Variants in ARHGAP35 observed in about 807,000 individuals in gnomAD.
ARHGAP35 encodes rho GTPase-activating protein 35.
A neutral mutation model predicts 111.1 loss-of-function variants in ARHGAP35; 15 were observed. That is an observed-to-expected ratio of 0.13 (90% CI 0.09 to 0.21). The LOEUF is 0.21. ARHGAP35 is among the 10% of genes least tolerant of loss of function. The pLI, the probability that ARHGAP35 is intolerant of heterozygous loss-of-function variation, is 1.00. For synonymous variants in ARHGAP35, 643 were observed against 710.3 expected, an observed-to-expected ratio of 0.91 and a Z score of 1.51; for missense variants, 1,262 against 1,873.0, an observed-to-expected ratio of 0.67 and a Z score of 6.02.
intron 1 of ARHGAP35, among the ~76,000 whole-genome samples, chr19:46,878,275 G>A (rs1033480137): frequency 1.6e-4 from 25 of 152,014 alleles, no homozygotes; most frequent in African/African-American, 5.6e-4. Context: ...CACCCACCTC[G>A]GCTTTCTAAA....
At position 46,863,385 on chromosome 19, in the gene ARHGAP35, A is replaced by G. The variant is rs369837064; in HGVS notation, c.-189+2176A>G. ...TCTGGAGTCTGGGAGTGTCTCCCCC[A>G]TTTCCCCCACTTCCACTAGGTTAGT... On this transcript the variant is annotated intron_variant, in intron 1 of 6. Transcript: ENST00000672722. Among the ~76,000 whole-genome samples, 76 of 151,884 alleles carry G rather than the reference A, an allele frequency of 5.0e-4. 2 individuals carry two copies. The South Asian group carries it at 0.016, about 31-fold the overall frequency.
At position 47,001,473 on chromosome 19, in the gene ARHGAP35, G is replaced by A. The variant is rs538639923; in HGVS notation, c.*785G>A. On this transcript the variant is annotated 3_prime_UTR_variant, in exon 7 of 7. Coordinates refer to ENST00000672722, the MANE Select transcript of ARHGAP35 (RefSeq NM_004491.5). The surrounding 1 kb of genome is among the most constrained non-coding windows in gnomAD (Gnocchi z 5.4). ...ATTCCACTCTGTGCCCGCCTCTGCC[G>A]GGAGGGAGGGAGGCACACAGGTGGA... is the stretch of plus-strand genomic sequence containing the variant. 2.4e-5 allele frequency: 27 copies of A among 1,111,180 alleles called. No individual in the cohort carries two copies. The highest frequency in any genetic ancestry group is 4.0e-5 in the South Asian group (3 of 75,400). 68.8% of individuals were successfully genotyped at this position (1,111,180 alleles called of 1,614,324 possible).
intron 3 of ARHGAP35, among the ~76,000 whole-genome samples, chr19:46,972,527 G>A (rs917190970): frequency 2.6e-5 from 4 of 152,202 alleles, no homozygotes; most frequent in Non-Finnish European, 5.9e-5. Flanking sequence ...ACAGCCTTTC[G>A]TGAGAGGTAC....
At chr19:46,902,997 G>A (rs1006139043) in intron 1 of ARHGAP35, among the ~76,000 whole-genome samples, 3 of 152,164 alleles carry the variant, frequency 2.0e-5, no homozygotes, top group African/African-American at 7.2e-5. Flanking sequence ...GCCCACACCT[G>A]TACCCTTGAG....
intron 3 of ARHGAP35, among the ~76,000 whole-genome samples, chr19:46,968,666 C>T (rs751990408): frequency 6.6e-6 from 1 of 152,152 alleles, no homozygotes; most frequent in Non-Finnish European, 1.5e-5. Flanking sequence ...AAAGTAGTGA[C>T]GTGCTACAGA....
chr19:46,976,542 G>T (rs1482505960), intron 3 of ARHGAP35, among the ~76,000 whole-genome samples: 23 of 152,222 alleles, frequency 1.5e-4, no homozygotes. Context: ...TCTGGGTGGC[G>T]GCCCAAGGCC....
intron 3 of ARHGAP35, among the ~76,000 whole-genome samples, chr19:46,985,434 T>C (rs2122330560): frequency 6.6e-6 from 1 of 152,300 alleles, no homozygotes; most frequent in South Asian, 2.1e-4. Context: ...GCCAGGTGTC[T>C]TCTGGAACAC....
At chr19:46,973,596 C>G (rs1035936495) in intron 3 of ARHGAP35, among the ~76,000 whole-genome samples, 1 of 151,762 alleles carries the variant, frequency 6.6e-6, no homozygotes, top group African/African-American at 2.4e-5. Context: ...GAGGCTGAGG[C>G]AGGAGAATGG....
chr19:46,888,076 T>C (rs1192425652), intron 1 of ARHGAP35, among the ~76,000 whole-genome samples: 10 of 150,054 alleles, frequency 6.7e-5, no homozygotes, highest in African/African-American at 2.4e-4. Flanking sequence ...CTCAGCCTCC[T>C]GAGTAGCTGG....
intron 1 of ARHGAP35, among the ~76,000 whole-genome samples, chr19:46,870,163 C>G (rs1182130288): frequency 6.6e-6 from 1 of 151,574 alleles, no homozygotes; most frequent in Non-Finnish European, 1.5e-5. Context: ...GTTAGCCAGG[C>G]TGGTCTCGAA....
At chr19:46,889,192 G>A (rs950721956) in intron 1 of ARHGAP35, among the ~76,000 whole-genome samples, 10 of 151,998 alleles carry the variant, frequency 6.6e-5, no homozygotes, top group South Asian at 2.1e-4. Context: ...ATGGCCAGGC[G>A]CTGTGGCTCA....
At chr19:46,998,969 C>T (rs1157855870) in intron 5 of ARHGAP35, 1 of 261,672 alleles carries the variant, frequency 3.8e-6, no homozygotes, top group Non-Finnish European at 7.3e-6. Flanking sequence ...CGTAGGGATG[C>T]CTGTCTCCAG....
At chr19:46,910,589 G>A (rs2056132841) in intron 1 of ARHGAP35, among the ~76,000 whole-genome samples, 6 of 150,842 alleles carry the variant, frequency 4.0e-5, no homozygotes, top group Admixed American at 4.0e-4. Context: ...ACCACACCTG[G>A]CCAATTTTTA....
rs762343746 is a variant in ARHGAP35 at position 46,873,793 on chromosome 19, GGC to G, written c.-189+12585_-189+12586del. ...GACGGAGTTTTGCCCTTGTTGCCCA[GGC>G]TGGCGTGCAGTGGCACGATCTCGGC... On this transcript the variant is annotated intron_variant, in intron 1 of 6. Transcript: ENST00000672722. Among the ~76,000 whole-genome samples, 912 of 151,612 alleles carry G rather than the reference GGC, an allele frequency of 6.0e-3. 3 individuals carry two copies. Among genetic ancestry groups the G allele is most frequent in the Middle Eastern group, 0.02 (6 of 294 alleles).
intron 3 of ARHGAP35, among the ~76,000 whole-genome samples, chr19:46,972,901 C>T (rs983109103): frequency 1.3e-5 from 2 of 152,188 alleles, no homozygotes; most frequent in Non-Finnish European, 2.9e-5. Flanking sequence ...TTGAAGCCCA[C>T]AGAAGACAGA....
At chr19:46,888,673 A>G (rs1329984558) in intron 1 of ARHGAP35, among the ~76,000 whole-genome samples, 2 of 151,898 alleles carry the variant, frequency 1.3e-5, no homozygotes, top group African/African-American at 2.4e-5. Flanking sequence ...TCATTTTACC[A>G]TAAAAGATAA....
At chr19:46,863,373 A>T (rs1306398657) in intron 1 of ARHGAP35, among the ~76,000 whole-genome samples, 1 of 152,070 alleles carries the variant, frequency 6.6e-6, no homozygotes, top group East Asian at 1.9e-4. Context: ...GGAGTCTGGG[A>T]GTGTCTCCCC....
rs573115626 is a variant in ARHGAP35 at position 46,955,372 on chromosome 19, G to T, written c.3826+17964G>T. On this transcript the variant is annotated intron_variant, in intron 3 of 6. Transcript: ENST00000672722. ...CTGTTTGAATAACAATAATGATGAGGATAGCTAACATTGATAAGCATTATT... is the reference window on the plus strand; with the variant it reads ...CTGTTTGAATAACAATAATGATGAGTATAGCTAACATTGATAAGCATTATT... 2.0e-5 allele frequency among the ~76,000 whole-genome samples: 3 copies of T among 152,250 alleles called. No individual in the cohort carries two copies. In the East Asian group the frequency reaches 5.8e-4, roughly 29 times the overall value.
At position 46,922,423 on chromosome 19, in the gene ARHGAP35, T is replaced by C. The variant is rs767381909; in HGVS notation, c.3681+67T>C. ...CGTCTCGGTGAGGGTTGATTGATGA[T>C]GATTTTTCAAGGACAACCTATTCTG... On this transcript the variant is annotated intron_variant, in intron 2 of 6. Coordinates refer to ENST00000672722, the MANE Select transcript of ARHGAP35 (RefSeq NM_004491.5). This position sits in a 1 kb window ranked among gnomAD's most constrained non-coding sequence, Gnocchi z 4.0. The C allele has an allele frequency of 4.4e-5, 61 of 1,395,708 alleles. No individual in the cohort carries two copies. The South Asian group carries it at 8.4e-4, about 19-fold the overall frequency. The allele number at this position is 1,395,708 out of a possible 1,614,324, so 86.5% of individuals were successfully genotyped here.
Sources: gnomAD v4.1 joint callset for allele counts (sites outside exome capture counted in the v4.1 genomes callset) on GRCh38, gnomAD v4.1.1 for gene constraint, Gnocchi (gnomAD v3.1) non-coding constraint, MANE v1.5 for transcripts, NCBI Gene and HGNC (gene_info 2026-07-23, HGNC 2026-07-21) for gene names.